CD63: variants seen among roughly 807,000 people sequenced by gnomAD.
The protein encoded by CD63 is CD63 antigen.
CD63 carries 16 observed loss-of-function variants against 29.2 expected under a neutral mutation model. The ratio of observed to expected loss-of-function variants is 0.55; its 90% CI spans 0.37 to 0.83. CD63 has a LOEUF of 0.83. CD63 is among the 40% of genes least tolerant of loss of function. CD63 has a pLI of 0.00. For missense variants in CD63, 251 were observed against 297.3 expected (o/e 0.84, Z 1.15); for synonymous variants, 118 against 111.7 (o/e 1.06, Z -0.36).
Position 55,725,501 on chromosome 12 carries a change from G to A in CD63, c.*60C>T, listed in dbSNP as rs889644574. On this transcript the variant is annotated 3_prime_UTR_variant, in exon 8 of 8. Transcript: ENST00000257857. The stretch of plus-strand genomic sequence containing the variant: ...GTCTGAAAAAATAATCCGTTTAATT[G>A]AAAAACCTGGAGGATACTATTCCAC... 7.4e-7 allele frequency: 1 copy of A among 1,357,142 alleles called. No homozygotes were observed. Among genetic ancestry groups the A allele is most frequent in the Admixed American group, 1.7e-5 (1 of 58,942 alleles). The allele number at this position is 1,357,142 out of a possible 1,614,324, so 84.1% of individuals were successfully genotyped here.
rs750293887 is a variant in CD63 at position 55,726,724 on chromosome 12, C to G, written c.402G>C (p.Ser134=). The change falls in exon 5 of 8, where the codon TCG becomes TCC. Residue 134 remains serine, a synonymous_variant. Transcript: ENST00000257857. ...CATCTGCCTGCATCCTGTCCAGGAT[C>G]GAAGCAGTGTGGTTGTTTTTCGGGT... The part of the protein sequence containing the change: ...ENYPKNNHTA[S]ILDRMQADFK... The G allele has an allele frequency of 4.3e-6, 7 of 1,614,034 alleles. No homozygotes were observed. The highest frequency in any genetic ancestry group is 1.1e-5 in the South Asian group (1 of 91,078).
chr12:55,723,641 A>T, downstream of CD63: 4 of 514,686 alleles, frequency 7.8e-6, no homozygotes, highest in Non-Finnish European at 1.4e-5. Context: ...CCATGCTTAA[A>T]ATATTAACTC....
At position 55,728,369 on chromosome 12, in the gene CD63, G is replaced by A. The variant is rs1465601770; in HGVS notation, c.-11-17C>T. On this transcript the variant is annotated splice_polypyrimidine_tract_variant and intron_variant, in intron 1 of 7. Coordinates refer to ENST00000257857, the MANE Select transcript of CD63 (RefSeq NM_001780.6). The surrounding 1 kb of genome is among the most constrained non-coding windows in gnomAD (Gnocchi z 4.8). ...CTGCCGGGCCTGGGGCAGAGGGGAGGGCGGGGGGATTAAAACTGGCCGAAG... is the reference window on the plus strand; with the variant it reads ...CTGCCGGGCCTGGGGCAGAGGGGAGAGCGGGGGGATTAAAACTGGCCGAAG... 3.1e-6 allele frequency: 5 copies of A among 1,601,866 alleles called. No individual in the cohort carries two copies. Among genetic ancestry groups the A allele is most frequent in the Non-Finnish European group, 4.3e-6 (5 of 1,175,178 alleles).
rs1190958304 is a variant in CD63 at position 55,728,371 on chromosome 12, C to T, written c.-11-19G>A. ...GCCGGGCCTGGGGCAGAGGGGAGGG[C>T]GGGGGGATTAAAACTGGCCGAAGGG... On this transcript the variant is annotated intron_variant, in intron 1 of 7. Transcript: ENST00000257857. This position sits in a 1 kb window ranked among gnomAD's most constrained non-coding sequence, Gnocchi z 4.8. The T allele has an allele frequency of 3.7e-6, 6 of 1,600,032 alleles. No homozygotes were observed. The highest frequency in any genetic ancestry group is 2.2e-5 in the East Asian group (1 of 44,446).
At chr12:55,726,863 A>G (rs772220785) in intron 4 of CD63, 27 bp downstream of exon 4, 1 of 1,611,540 alleles carries the variant, frequency 6.2e-7, no homozygotes, top group South Asian at 1.1e-5. Context: ...CGGCTGAGGC[A>G]GGCCCTTCCC....
In CD63 at chr12:55,727,231, CGAT is replaced by C. The variant is rs776035172; in HGVS notation, c.172_174del (p.Ile58del). 1.1e-5 allele frequency: 17 copies of C among 1,613,924 alleles called. No individual in the cohort carries two copies. The East Asian group carries it at 1.1e-4, about 11-fold the overall frequency. On this transcript the variant is annotated inframe_deletion, in exon 3 of 8. Coordinates refer to ENST00000257857, the MANE Select transcript of CD63 (RefSeq NM_001780.6). ...ACCAGGAAGAGGAAGACACCCACTG[CGAT>C]GATGACCACTGGCAACAGAGAGCCA...
In CD63 at chr12:55,728,593, A is replaced by C; in HGVS notation, c.-11-241T>G. On this transcript the variant is annotated intron_variant, in intron 1 of 7. Coordinates refer to ENST00000257857, the MANE Select transcript of CD63 (RefSeq NM_001780.6). The surrounding 1 kb of genome is among the most constrained non-coding windows in gnomAD (Gnocchi z 4.8). ...GCCTCTGGGGCCCAGGACAGATCCA[A>C]GGGCGCCGGCAGGGGCTTGAGCCTG... 7.3e-7 allele frequency: 1 copy of C among 1,368,118 alleles called. No individual in the cohort carries two copies. Among genetic ancestry groups the C allele is most frequent in the East Asian group, 2.9e-5 (1 of 34,410 alleles). The allele number at this position is 1,368,118 out of a possible 1,614,324, so 84.7% of individuals were successfully genotyped here. A position where few individuals can be genotyped will look rare whatever the true frequency, so the allele number is the denominator to read the frequency against.
At chr12:55,727,919 T>G (rs1592532965) in intron 2 of CD63, 2 of 1,145,122 alleles carry the variant, frequency 1.7e-6, no homozygotes, top group African/African-American at 1.6e-5. Flanking sequence ...GATGAGAGGG[T>G]TGGGGAGGGA....
intron 2 of CD63, chr12:55,727,965 G>A (rs1877604260): frequency 8.2e-7 from 1 of 1,213,722 alleles, no homozygotes; most frequent in Non-Finnish European, 1.1e-6. Context: ...GAAGCCCCAT[G>A]GCGATAGCAT....
chr12:55,726,228 A>T lies in CD63; in HGVS notation c.460T>A (p.Trp154Arg). Residue 154 changes from tryptophan (W) to arginine (R), a missense_variant, in exon 6 of 8, where the codon TGG (tryptophan) becomes AGG (arginine). Transcript: ENST00000257857. The stretch of plus-strand genomic sequence containing the variant: ...TTCGACATGGAAGGGATTTTCTCCC[A>T]ATCTGTGTAGTTAGCAGCCCCACAG... ...KCCGAANYTD[W>R]EKIPSMSKNR... is the part of the protein sequence containing the mutation. 1 of 1,613,806 alleles carries T rather than the reference A, an allele frequency of 6.2e-7. No homozygotes were observed. Among genetic ancestry groups the T allele is most frequent in the Non-Finnish European group, 8.5e-7 (1 of 1,179,956 alleles).
chr12:55,727,894 G>C (rs1877594389), intron 2 of CD63: 11 of 1,099,850 alleles, frequency 1.0e-5, no homozygotes, highest in Non-Finnish European at 1.2e-5. Context: ...GAAAGGGGGA[G>C]AGGGGCTGGA....
upstream of CD63, chr12:55,729,095 CCGGCCTCCCTCATGTGACG>C: frequency 7.1e-6 from 7 of 985,382 alleles, no homozygotes; most frequent in Non-Finnish European, 8.4e-6. Flanking sequence ...CGAGTGGCCG[CCGGCCTCCCTCATGTGACG>C]CGGTAACAGC....
chr12:55,729,251 G>A, upstream of CD63: 1 of 621,012 alleles, frequency 1.6e-6, no homozygotes, highest in Non-Finnish European at 2.0e-6. Flanking sequence ...CAAGACCTCG[G>A]GGCGCCTGGG....
downstream of CD63, chr12:55,724,734 C>A (rs1297469122): frequency 6.9e-5 from 46 of 663,372 alleles, no homozygotes; most frequent in Non-Finnish European, 7.3e-5. Flanking sequence ...GCCAACTACT[C>A]CAAACCGACA....
At chr12:55,725,319 C>G (rs1457887097), downstream of CD63, 1 of 557,590 alleles carries the variant, frequency 1.8e-6, no homozygotes, top group Non-Finnish European at 3.2e-6. Context: ...CCACTGCCTG[C>G]CCAACCAACA....
intron 5 of CD63, 76 bp downstream of exon 5, chr12:55,726,624 C>T (rs988496727): frequency 6.8e-6 from 8 of 1,168,786 alleles, no homozygotes; most frequent in East Asian, 2.3e-5. Context: ...AGATTACAGG[C>T]GTGAGTCACC....
intron 2 of CD63, chr12:55,727,600 C>T (rs962701914): frequency 1.0e-5 from 13 of 1,251,084 alleles, no homozygotes; most frequent in Middle Eastern, 3.1e-4. Flanking sequence ...CCTCAAGACA[C>T]GTATTTCTGA....
In CD63 at chr12:55,728,621, G is replaced by A; in HGVS notation, c.-11-269C>T. The A allele has an allele frequency of 7.6e-7, 1 of 1,318,666 alleles. No homozygotes were observed. The highest frequency in any genetic ancestry group is 9.7e-7 in the Non-Finnish European group (1 of 1,031,852). The allele number at this position is 1,318,666 out of a possible 1,614,324, so 81.7% of individuals were successfully genotyped here. On this transcript the variant is annotated intron_variant, in intron 1 of 7. Coordinates refer to ENST00000257857, the MANE Select transcript of CD63 (RefSeq NM_001780.6). The surrounding 1 kb of genome is among the most constrained non-coding windows in gnomAD (Gnocchi z 4.8). Reference sequence around the variant, plus strand: ...GCGCCGGCAGGGGCTTGAGCCTGACGCCGACCCTCGGCCCGCCAGTCTCCG... The same window carrying A: ...GCGCCGGCAGGGGCTTGAGCCTGACACCGACCCTCGGCCCGCCAGTCTCCG...
Position 55,728,783 on chromosome 12 carries a change from AC to A in CD63, c.-12+169del, listed in dbSNP as rs1334068684. 2 of 956,856 alleles carry A rather than the reference AC, an allele frequency of 2.1e-6. No homozygotes were observed. The highest frequency in any genetic ancestry group is 2.4e-6 in the Non-Finnish European group (2 of 821,296). The allele number at this position is 956,856 out of a possible 1,614,324, so 59.3% of individuals were successfully genotyped here. On this transcript the variant is annotated intron_variant, in intron 1 of 7. Transcript: ENST00000257857. The surrounding 1 kb of genome is among the most constrained non-coding windows in gnomAD (Gnocchi z 4.8). ...CAAAAAAAAAAAAAGTGCAGCCAGC[AC>A]CCCCGCCACACCCTGCCCGGGCCCA...
Sources: gnomAD v4.1 joint callset for allele counts on GRCh38, gnomAD v4.1.1 for gene constraint, Gnocchi (gnomAD v3.1) non-coding constraint, MANE v1.5 for transcripts, NCBI Gene and HGNC (gene_info 2026-07-23, HGNC 2026-07-21) for gene names.